Variants in KALRN observed in about 807,000 individuals in gnomAD.
The protein encoded by KALRN is kalirin.
Under a neutral mutation model 353.7 loss-of-function variants are expected in KALRN, and 70 were observed. That is an observed-to-expected ratio of 0.20 (90% CI 0.16 to 0.24). The LOEUF is 0.24. Among genes scored for constraint, KALRN ranks in the 10% least tolerant of loss-of-function variants. The pLI, the probability that KALRN is intolerant of heterozygous loss-of-function variation, is 1.00. For synonymous variants in KALRN, 1,391 were observed against 1,434.8 expected (o/e 0.97, Z 0.69); for missense variants, 2,791 against 3,756.7 (o/e 0.74, Z 6.72).
At chr3:124,469,313 T>C (rs2060659261) in intron 25 of KALRN, among the ~76,000 whole-genome samples, 1 of 152,218 alleles carries the variant, frequency 6.6e-6, no homozygotes, top group Non-Finnish European at 1.5e-5. Context: ...TAACCTGAGC[T>C]AAAGTGTCAA....
intron 33 of KALRN, chr3:124,519,819 T>G (rs2067012059): frequency 1.5e-5 from 15 of 985,396 alleles, no homozygotes; most frequent in Non-Finnish European, 1.7e-5. Context: ...GTCACTTTCT[T>G]GAATGTGTTC....
intron 48 of KALRN, among the ~76,000 whole-genome samples, chr3:124,672,878 C>T (rs1275752909): frequency 6.6e-6 from 1 of 152,190 alleles, no homozygotes; most frequent in Non-Finnish European, 1.5e-5. Flanking sequence ...GGAACACTTA[C>T]ATTTTTTATC....
chr3:124,184,548 C>G (rs2073987483), intron 1 of KALRN, among the ~76,000 whole-genome samples: 1 of 152,182 alleles, frequency 6.6e-6, no homozygotes, highest in Non-Finnish European at 1.5e-5. Flanking sequence ...ATCATATTCT[C>G]TCCCTACTGC....
intron 1 of KALRN, among the ~76,000 whole-genome samples, chr3:124,189,404 C>T (rs139446189): frequency 2.0e-5 from 3 of 152,196 alleles, no homozygotes; most frequent in African/African-American, 4.8e-5. Context: ...CAATGGATTC[C>T]AGGAGTTTTG....
At chr3:124,381,080 G>A (rs2087301066) in intron 10 of KALRN, among the ~76,000 whole-genome samples, 1 of 152,230 alleles carries the variant, frequency 6.6e-6, no homozygotes, top group Non-Finnish European at 1.5e-5. Flanking sequence ...CAGGTACCAT[G>A]GAGAGGGTTG....
chr3:124,667,327 T>C lies in KALRN; in HGVS notation c.6703+144T>C, dbSNP rs377497267. 3.6e-5 allele frequency: 25 copies of C among 700,774 alleles called. No homozygotes were observed. In the African/African-American group the frequency reaches 3.9e-4, roughly 11 times the overall value. 43.4% of individuals were successfully genotyped at this position (700,774 alleles called of 1,614,324 possible). On this transcript the variant is annotated intron_variant, in intron 47 of 59. Coordinates refer to ENST00000682506, the MANE Select transcript of KALRN (RefSeq NM_001388419.1). ...AACTTTGTAGTTTTCAGAAACACTTTAGAATTTTTCTGAAGCTGAATACAC... is the reference window on the plus strand; with the variant it reads ...AACTTTGTAGTTTTCAGAAACACTTCAGAATTTTTCTGAAGCTGAATACAC...
At chr3:124,398,397 G>A (rs1296977924) in intron 12 of KALRN, among the ~76,000 whole-genome samples, 1 of 152,074 alleles carries the variant, frequency 6.6e-6, no homozygotes, top group African/African-American at 2.4e-5. Context: ...TTTATGCCTT[G>A]TAGAGTCCTT....
intron 1 of KALRN, among the ~76,000 whole-genome samples, chr3:124,110,469 G>GCGCGCGCA (rs10634082): frequency 1.5e-5 from 2 of 133,984 alleles, no homozygotes; most frequent in Non-Finnish European, 1.6e-5. Context: ...ACACACGCGC[G>GCGCGCGCA]CACACACACA....
intron 1 of KALRN, among the ~76,000 whole-genome samples, chr3:124,073,740 T>A (rs920803875): frequency 2.0e-4 from 31 of 152,204 alleles, no homozygotes; most frequent in African/African-American, 7.0e-4. Context: ...CTATTTTACC[T>A]GTTTGGCAAA....
At chr3:124,213,494 A>AT (rs1213588872) in intron 1 of KALRN, among the ~76,000 whole-genome samples, 9 of 152,090 alleles carry the variant, frequency 5.9e-5, no homozygotes, top group Admixed American at 5.9e-4. Context: ...CCAACCCATT[A>AT]TTTATCTTTT....
At chr3:124,241,744 G>C (rs2080468104) in intron 3 of KALRN, among the ~76,000 whole-genome samples, 1 of 152,168 alleles carries the variant, frequency 6.6e-6, no homozygotes, top group South Asian at 2.1e-4. Flanking sequence ...GAAATAGAGG[G>C]TTGAACCCAG....
intron 42 of KALRN, 30 bp downstream of exon 42, chr3:124,658,547 G>T: frequency 6.3e-7 from 1 of 1,582,068 alleles, no homozygotes; most frequent in Non-Finnish European, 8.7e-7. Context: ...CTGAACTGGG[G>T]TGGGAGGAAA....
At chr3:124,457,634 G>A (rs568735305) in intron 23 of KALRN, among the ~76,000 whole-genome samples, 2 of 151,938 alleles carry the variant, frequency 1.3e-5, no homozygotes, top group African/African-American at 2.4e-5. Flanking sequence ...TCTTTCTATC[G>A]CTTCTTTCAG....
intron 9 of KALRN, among the ~76,000 whole-genome samples, chr3:124,337,190 C>T (rs1456037309): frequency 1.3e-5 from 2 of 152,142 alleles, no homozygotes; most frequent in African/African-American, 2.4e-5. Context: ...ACTTCCAATA[C>T]TATGTTGAAT....
chr3:124,354,443 C>G (rs1452174700), intron 10 of KALRN, among the ~76,000 whole-genome samples: 3 of 152,152 alleles, frequency 2.0e-5, no homozygotes, highest in Admixed American at 2.0e-4. Context: ...GAAGGATATA[C>G]ATTGGCAGAA....
intron 33 of KALRN, among the ~76,000 whole-genome samples, chr3:124,540,514 C>A (rs2068926075): frequency 6.6e-6 from 1 of 152,174 alleles, no homozygotes; most frequent in Non-Finnish European, 1.5e-5. Context: ...GGTAGCCATG[C>A]ACAGGTATTT....
At chr3:124,200,565 C>T (rs1469208739) in intron 1 of KALRN, among the ~76,000 whole-genome samples, 4 of 152,172 alleles carry the variant, frequency 2.6e-5, no homozygotes, top group Non-Finnish European at 4.4e-5. Context: ...ACCATCACGT[C>T]GTACTTAGAA....
Position 124,658,486 on chromosome 3 carries a change from A to C in KALRN, c.6092A>C (p.Tyr2031Ser). ...WYCQNKPRSE[Y>S]IVAEYDAYFE... ...TGTCAGAATAAGCCGCGCTCAGAGT[A>C]CATCGTTGCTGAGTATGACGCCTAC... Residue 2031 changes from tyrosine (Y) to serine (S), a missense_variant, in exon 42 of 60, where the codon TAC becomes TCC. Physicochemically the swap from Tyr to Ser is moderately radical, Grantham distance 144 (BLOSUM62 -2). Around this residue, in one of 11 missense-constraint regions of KALRN, gnomAD observed 1,065 missense variants for 1,156.4 expected, o/e 0.92. Coordinates refer to ENST00000682506, the MANE Select transcript of KALRN (RefSeq NM_001388419.1). 6.2e-7 allele frequency: 1 copy of C among 1,614,072 alleles called. No homozygotes were observed. Among genetic ancestry groups the C allele is most frequent in the Non-Finnish European group, 8.5e-7 (1 of 1,179,924 alleles).
chr3:124,216,935 A>T (rs1357428307), intron 1 of KALRN, among the ~76,000 whole-genome samples: 1 of 152,204 alleles, frequency 6.6e-6, no homozygotes, highest in Non-Finnish European at 1.5e-5. Flanking sequence ...CTCTTCTCCT[A>T]GACCCACCAG....
Sources: gnomAD v4.1 joint callset for allele counts (sites outside exome capture counted in the v4.1 genomes callset) on GRCh38, gnomAD v4.1.1 for gene constraint, gnomAD v4.1.1 regional missense constraint, MANE v1.5 for transcripts, NCBI Gene and HGNC (gene_info 2026-07-23, HGNC 2026-07-21) for gene names.